RNF212: variants seen among roughly 807,000 people sequenced by gnomAD.
RNF212 encodes the protein ring finger protein 212.
RNF212 carries 33 observed loss-of-function variants against 34.7 expected under a neutral mutation model. That is an observed-to-expected ratio of 0.95 (90% confidence interval 0.72 to 1.27). RNF212 has a LOEUF of 1.27. Among genes scored for constraint, RNF212 ranks in the 50% most tolerant of loss-of-function variants. The pLI is 0.00. For missense variants in RNF212, 377 were observed against 362.2 expected (o/e 1.04, Z -0.33); for synonymous variants, 140 against 136.1 (o/e 1.03, Z -0.20).
intron 4 of RNF212, among the ~76,000 whole-genome samples, chr4:1,089,408 C>T (rs1721837371): frequency 6.6e-6 from 1 of 152,218 alleles, no homozygotes; most frequent in African/African-American, 2.4e-5. Context: ...TGCCTGTACT[C>T]CCATAGTATC....
chr4:1,111,903 A>C (rs1006518182), intron 1 of RNF212, among the ~76,000 whole-genome samples: 2 of 152,244 alleles, frequency 1.3e-5, no homozygotes, highest in African/African-American at 4.8e-5. Flanking sequence ...ACCACACAAC[A>C]ATGAAAGTAG....
intron 7 of RNF212, among the ~76,000 whole-genome samples, chr4:1,080,884 G>C (rs1033676043): frequency 6.6e-6 from 1 of 152,384 alleles, no homozygotes; most frequent in South Asian, 2.1e-4. Context: ...GATGCTGGAG[G>C]GAACATGAGG....
At chr4:1,098,867 A>G (rs909779813) in intron 2 of RNF212, among the ~76,000 whole-genome samples, 3 of 152,206 alleles carry the variant, frequency 2.0e-5, no homozygotes, top group Non-Finnish European at 2.9e-5. Context: ...TCTAAGGTAT[A>G]TTATAAATAC....
intron 5 of RNF212, among the ~76,000 whole-genome samples, chr4:1,084,383 C>T (rs556791865): frequency 7.2e-5 from 11 of 152,250 alleles, no homozygotes; most frequent in African/African-American, 2.6e-4. Context: ...CGTTGCAATG[C>T]GTTTACAATC....
intron 4 of RNF212, chr4:1,056,917 T>G (rs1717360274): frequency 8.1e-6 from 8 of 987,918 alleles, no homozygotes; most frequent in Non-Finnish European, 9.6e-6. Context: ...CCCCGAAGCT[T>G]GGAGAGTCCC....
At chr4:1,073,716 G>GA (rs998038243) in intron 8 of RNF212, 54 bp from the exon 9 acceptor site, 1 of 1,177,542 alleles carries the variant, frequency 8.5e-7, no homozygotes, top group African/African-American at 1.5e-5. Flanking sequence ...CGGCTTACGA[G>GA]ATTCGGACTC....
chr4:1,074,699 G>A (rs1042428869), intron 8 of RNF212, among the ~76,000 whole-genome samples: 1 of 152,124 alleles, frequency 6.6e-6, no homozygotes, highest in Non-Finnish European at 1.5e-5. Flanking sequence ...TCATGGAGCT[G>A]TCCACTAAGC....
Position 1,072,616 on chromosome 4 carries a change from T to TG in RNF212, c.*257dup, listed in dbSNP as rs1429386284. ...GTTAGAAAAAAATGATTTAAGTATGTGAAAAAAAAACTCCCTAAGCATGAG... is the reference window on the plus strand; with the variant it reads ...GTTAGAAAAAAATGATTTAAGTATGTGGAAAAAAAAACTCCCTAAGCATGAG... On this transcript the variant is annotated 3_prime_UTR_variant, in exon 10 of 10. Coordinates refer to ENST00000433731, the MANE Select transcript of RNF212 (RefSeq NM_001131034.4). 8.9e-6 allele frequency: 9 copies of TG among 1,008,766 alleles called. No individual in the cohort carries two copies. In the Admixed American group the frequency reaches 1.8e-4, roughly 21 times the overall value. 62.5% of individuals were successfully genotyped at this position (1,008,766 alleles called of 1,614,324 possible).
chr4:1,084,381 T>A (rs1272584957), intron 5 of RNF212, among the ~76,000 whole-genome samples: 1 of 152,188 alleles, frequency 6.6e-6, no homozygotes, highest in Non-Finnish European at 1.5e-5. Context: ...TCCGTTGCAA[T>A]GCGTTTACAA....
At chr4:1,090,273 C>T (rs17164235) in intron 4 of RNF212, among the ~76,000 whole-genome samples, 19,676 of 151,836 alleles carry the variant, frequency 0.13, 1,387 homozygotes, top group East Asian at 0.31. Context: ...GTGATCTGTC[C>T]GCTCCAGGTT....
At chr4:1,095,453 T>C (rs56213440) in intron 3 of RNF212, among the ~76,000 whole-genome samples, 1 of 12,198 alleles carries the variant, frequency 8.2e-5, no homozygotes, top group Non-Finnish European at 2.0e-4. Context: ...CAAGCACAAC[T>C]CCCACAGCTC....
At chr4:1,100,857 T>C (rs1188438795) in intron 2 of RNF212, 2 of 157,134 alleles carry the variant, frequency 1.3e-5, no homozygotes, top group African/African-American at 2.4e-5. Context: ...TCAGTGTAGA[T>C]GCCTATCACA....
chr4:1,112,306 G>A (rs1324195685), intron 1 of RNF212, among the ~76,000 whole-genome samples: 3 of 152,198 alleles, frequency 2.0e-5, no homozygotes, highest in Non-Finnish European at 4.4e-5. Flanking sequence ...CATTCACTAA[G>A]GCTCCATGGG....
At chr4:1,101,006 C>CAA (rs1723894604) in intron 2 of RNF212, 1 of 177,574 alleles carries the variant, frequency 5.6e-6, no homozygotes, top group Non-Finnish European at 1.3e-5. Flanking sequence ...TTGATATCCA[C>CAA]AATATTAAAA....
At chr4:1,067,383 G>A (rs1199731214), downstream of RNF212, among the ~76,000 whole-genome samples, 2 of 152,026 alleles carry the variant, frequency 1.3e-5, no homozygotes, top group Non-Finnish European at 2.9e-5. Flanking sequence ...AATATCAATG[G>A]ACTATCAAAT....
intron 3 of RNF212, among the ~76,000 whole-genome samples, chr4:1,091,889 C>T (rs964061878): frequency 3.3e-5 from 5 of 152,234 alleles, no homozygotes; most frequent in Admixed American, 2.6e-4. Context: ...GGAAGACAGT[C>T]CTGGGTGCCA....
intron 3 of RNF212, chr4:1,093,988 G>A (rs1454865402): frequency 6.5e-7 from 1 of 1,535,770 alleles, no homozygotes; most frequent in Non-Finnish European, 8.7e-7. Flanking sequence ...ACTTGAGACG[G>A]CAACAGCCTC....
At chr4:1,110,362 A>G (rs1379839026) in intron 1 of RNF212, among the ~76,000 whole-genome samples, 1 of 152,198 alleles carries the variant, frequency 6.6e-6, no homozygotes, top group Admixed American at 6.5e-5. Context: ...ACGTGTCACT[A>G]CAGGGAATAG....
In RNF212 at chr4:1,074,246, CCT is replaced by C. The variant is rs144107912; in HGVS notation, c.511-586_511-585del. On this transcript the variant is annotated intron_variant, in intron 8 of 9. Transcript: ENST00000433731. Reference sequence around the variant, plus strand: ...GCTGCTCTGCTCTGAGCCCCTCCTGCCTCTCAGTGCGACCTGGGGGCATGGCA... The same window carrying C: ...GCTGCTCTGCTCTGAGCCCCTCCTGCCTCAGTGCGACCTGGGGGCATGGCA... 1.2e-3 allele frequency among the ~76,000 whole-genome samples: 186 copies of C among 152,318 alleles called. 3 individuals carry two copies. The East Asian group carries it at 0.026, about 22-fold the overall frequency.
Sources: allele counts gnomAD v4.1 joint callset (sites outside exome capture counted in the v4.1 genomes callset), GRCh38; gene constraint gnomAD v4.1.1; transcripts MANE v1.5; gene names NCBI Gene and HGNC (gene_info 2026-07-23, HGNC 2026-07-21).